The following ZFYVE9 variants were observed in gnomAD, a reference collection of about 807,000 sequenced individuals.
ZFYVE9 encodes the protein zinc finger FYVE-type containing 9.
In ZFYVE9, 43 loss-of-function variants were observed where a neutral mutation model predicts 126.7. That is an observed-to-expected ratio of 0.34 (90% CI 0.27 to 0.44). The LOEUF is 0.44. ZFYVE9 is among the 20% of genes least tolerant of loss of function. The pLI is 1.00. For missense variants in ZFYVE9, 1,476 were observed against 1,697.0 expected, an observed-to-expected ratio of 0.87 and a Z score of 2.29; for synonymous variants, 521 against 597.4, an observed-to-expected ratio of 0.87 and a Z score of 1.87.
intron 1 of ZFYVE9, chr1:52,180,343 T>A: frequency 6.4e-7 from 1 of 1,564,850 alleles, no homozygotes. Context: ...TTTGTTTACG[T>A]GGAAGGAGAT....
At chr1:52,185,856 G>C (rs1017619192) in intron 1 of ZFYVE9, among the ~76,000 whole-genome samples, 4 of 150,204 alleles carry the variant, frequency 2.7e-5, no homozygotes, top group Admixed American at 6.7e-5. Context: ...GGAGGCAGAG[G>C]TTGCAGTGAG....
intron 13 of ZFYVE9, among the ~76,000 whole-genome samples, chr1:52,320,963 A>C (rs1221979573): frequency 6.6e-6 from 1 of 152,202 alleles, no homozygotes; most frequent in African/African-American, 2.4e-5. Flanking sequence ...CAAAGAGTTA[A>C]CCTATCGAAG....
At chr1:52,244,443 G>A (rs1309704874) in intron 4 of ZFYVE9, among the ~76,000 whole-genome samples, 6 of 152,156 alleles carry the variant, frequency 3.9e-5, no homozygotes, top group African/African-American at 1.4e-4. Context: ...CTAGACAGAG[G>A]TTGGTTTATG....
chr1:52,221,840 G>C (rs1256159140), intron 2 of ZFYVE9, among the ~76,000 whole-genome samples: 1 of 152,158 alleles, frequency 6.6e-6, no homozygotes, highest in Middle Eastern at 3.2e-3. Context: ...ATCTCTGATG[G>C]GGTCCAGAGG....
At chr1:52,206,345 G>A (rs1209749734) in intron 1 of ZFYVE9, among the ~76,000 whole-genome samples, 1 of 152,128 alleles carries the variant, frequency 6.6e-6, no homozygotes, top group African/African-American at 2.4e-5. Context: ...TGTATGGCGT[G>A]GTGGTAGACA....
chr1:52,299,105 G>A (rs1185971478), intron 12 of ZFYVE9, among the ~76,000 whole-genome samples: 1 of 152,072 alleles, frequency 6.6e-6, no homozygotes, highest in African/African-American at 2.4e-5. Flanking sequence ...ACCTTGCCCG[G>A]CCCTTTTTCA....
chr1:52,163,911 A>G (rs1407736382), intron 1 of ZFYVE9, among the ~76,000 whole-genome samples: 2 of 152,186 alleles, frequency 1.3e-5, no homozygotes, highest in African/African-American at 4.8e-5. Flanking sequence ...TATGGTCAAC[A>G]CTATTCAGCC....
At chr1:52,271,425 T>A (rs998450990) in intron 7 of ZFYVE9, among the ~76,000 whole-genome samples, 3 of 152,000 alleles carry the variant, frequency 2.0e-5, no homozygotes, top group South Asian at 2.1e-4. Flanking sequence ...TAAATGTCTT[T>A]TTATTATTAT....
intron 13 of ZFYVE9, among the ~76,000 whole-genome samples, chr1:52,315,178 C>G (rs1177970554): frequency 2.0e-5 from 3 of 152,174 alleles, no homozygotes; most frequent in Non-Finnish European, 4.4e-5. Context: ...CCTGTAATCC[C>G]TGCACTTTGA....
At chr1:52,221,407 G>T (rs983891938) in intron 2 of ZFYVE9, among the ~76,000 whole-genome samples, 3 of 152,236 alleles carry the variant, frequency 2.0e-5, no homozygotes, top group Admixed American at 2.0e-4. Flanking sequence ...TGTTAGGAAA[G>T]CAGCGGGGTT....
intron 13 of ZFYVE9, among the ~76,000 whole-genome samples, chr1:52,314,529 A>G (rs1281979958): frequency 6.6e-6 from 1 of 152,230 alleles, no homozygotes; most frequent in Admixed American, 6.5e-5. Context: ...CTAAAAGTAC[A>G]AAAGTACGCC....
In ZFYVE9 at chr1:52,238,871, A is replaced by C. The variant is rs200255393; in HGVS notation, c.1454A>C (p.Asp485Ala). The C allele has an allele frequency of 2.5e-6, 4 of 1,614,008 alleles. No homozygotes were observed. In the African/African-American group the frequency reaches 5.3e-5, roughly 22 times the overall value. Residue 485 changes from aspartate to alanine, a missense_variant, in exon 4 of 19, where the codon GAC (aspartate) becomes GCC (alanine). This residue lies in a region of ZFYVE9 where 807 missense variants were observed against 794.6 expected (regional missense o/e 1.02). Transcript: ENST00000287727. ...GGTTGTGATTCCTATGGAATGCAAG[A>C]CCCAGGTGTTTCTTTTGTTCCAAAG... is the stretch of plus-strand genomic sequence containing the variant. ...SNGCDSYGMQ[D>A]PGVSFVPKTL...
In ZFYVE9 at chr1:52,346,086, C is replaced by T. The variant is rs370951683; in HGVS notation, c.4143C>T (p.Gly1381=). ...DQVGYQAGSN[G]QPLPSQYMND... ...TTGGCTATCAAGCAGGGAGCAATGG[C>T]CAGCCCCTTCCCTCGCAGTACATGA... Residue 1381 remains glycine (G), a synonymous_variant, in exon 19 of 19, where the codon GGC becomes GGT. Transcript: ENST00000287727. 6.9e-5 allele frequency: 111 copies of T among 1,609,060 alleles called. No individual in the cohort carries two copies. Among genetic ancestry groups the T allele is most frequent in the Non-Finnish European group, 8.8e-5 (104 of 1,176,512 alleles).
chr1:52,329,762 G>A (rs934162867), intron 13 of ZFYVE9, among the ~76,000 whole-genome samples: 9 of 151,998 alleles, frequency 5.9e-5, no homozygotes, highest in African/African-American at 1.5e-4. Flanking sequence ...AAAATTAGCC[G>A]GGCATGGTGG....
chr1:52,268,048 T>G (rs1645651025), intron 6 of ZFYVE9, among the ~76,000 whole-genome samples: 1 of 152,248 alleles, frequency 6.6e-6, no homozygotes, highest in South Asian at 2.1e-4. Flanking sequence ...CTTTACCAGA[T>G]GTTTAATTTC....
intron 4 of ZFYVE9, among the ~76,000 whole-genome samples, chr1:52,246,451 C>T (rs1319912632): frequency 6.6e-6 from 1 of 151,788 alleles, no homozygotes; most frequent in Non-Finnish European, 1.5e-5. Flanking sequence ...GAATTAGTAA[C>T]ACATTAAGAC....
chr1:52,263,753 T>TGG lies in ZFYVE9; in HGVS notation c.2179-20_2179-19insGG, dbSNP rs1557488433. The TGG allele has an allele frequency of 4.2e-6, 3 of 713,056 alleles. No homozygotes were observed. Among genetic ancestry groups the TGG allele is most frequent in the Non-Finnish European group, 4.1e-6 (2 of 490,694 alleles). The allele number at this position is 713,056 out of a possible 1,614,324, so 44.2% of individuals were successfully genotyped here. The stretch of plus-strand genomic sequence containing the variant: ...ATCCCAAGTAAATTTTGTGTGTTCT[T>TGG]CCCCCCCCCCCCCCCACAGGTTTTC... On this transcript the variant is annotated intron_variant, in intron 4 of 18. Transcript: ENST00000287727.
At chr1:52,173,441 A>G (rs573742640) in intron 1 of ZFYVE9, among the ~76,000 whole-genome samples, 1 of 152,316 alleles carries the variant, frequency 6.6e-6, no homozygotes, top group African/African-American at 2.4e-5. Flanking sequence ...AATGTTCATC[A>G]AGGATATTGG....
chr1:52,244,984 C>T (rs1286754397), intron 4 of ZFYVE9, among the ~76,000 whole-genome samples: 1 of 151,920 alleles, frequency 6.6e-6, no homozygotes, highest in Admixed American at 6.6e-5. Context: ...ATGGTGAAAC[C>T]TCATCTCTGC....
Sources: gnomAD v4.1 joint callset for allele counts (sites outside exome capture counted in the v4.1 genomes callset) on GRCh38, gnomAD v4.1.1 for gene constraint, gnomAD v4.1.1 regional missense constraint, MANE v1.5 for transcripts, NCBI Gene and HGNC (gene_info 2026-07-23, HGNC 2026-07-21) for gene names.